LRP1B: variants seen among roughly 807,000 people sequenced by gnomAD.
LRP1B encodes LDL receptor related protein 1B, also known as low-density lipoprotein receptor-related protein 1B.
LRP1B carries 217 observed loss-of-function variants against 556.6 expected under a neutral mutation model. The ratio of observed to expected loss-of-function variants is 0.39; its 90% CI spans 0.35 to 0.44. The LOEUF (loss-of-function observed/expected upper bound fraction) is 0.44. Among genes scored for constraint, LRP1B ranks in the 20% least tolerant of loss-of-function variants. LRP1B has a pLI of 1.00. For synonymous variants in LRP1B, 2,047 were observed against 1,865.8 expected, an observed-to-expected ratio of 1.10 and a Z score of -2.50; for missense variants, 5,053 against 5,620.8, an observed-to-expected ratio of 0.90 and a Z score of 3.23.
chr2:140,294,872 T>C (rs1683535977), intron 84 of LRP1B, among the ~76,000 whole-genome samples: 1 of 152,022 alleles, frequency 6.6e-6, no homozygotes, highest in Non-Finnish European at 1.5e-5. Context: ...ATAATTAGTG[T>C]TATTTATTTA....
rs1212346853 is a variant in LRP1B, at chr2:142,126,568, G to A, written c.82+4080C>T. Among the ~76,000 whole-genome samples the A allele has an allele frequency of 3.9e-5, 6 of 151,980 alleles. No homozygotes were observed. The South Asian group carries it at 1.0e-3, about 26-fold the overall frequency. On this transcript the variant is annotated intron_variant, in intron 1 of 90. Coordinates refer to ENST00000389484, the MANE Select transcript of LRP1B (RefSeq NM_018557.3). The stretch of plus-strand genomic sequence containing the variant: ...AGGATTAATTCTACTTTCTTTGAAT[G>A]CATCTATCTAGAATGAAGACAAGTG...
chr2:141,042,049 C>T (rs1000214131), intron 11 of LRP1B, among the ~76,000 whole-genome samples: 8 of 152,030 alleles, frequency 5.3e-5, no homozygotes, highest in Non-Finnish European at 1.2e-4. Flanking sequence ...AAAATCAGAT[C>T]ACAGTAACTT....
intron 2 of LRP1B, among the ~76,000 whole-genome samples, chr2:141,796,283 C>T (rs187155437): frequency 2.3e-4 from 35 of 152,090 alleles, no homozygotes; most frequent in African/African-American, 6.5e-4. Flanking sequence ...TGGTTCCAAT[C>T]GGAGTGCAGA....
At chr2:141,092,702 G>A (rs2104914060) in intron 7 of LRP1B, among the ~76,000 whole-genome samples, 1 of 152,224 alleles carries the variant, frequency 6.6e-6, no homozygotes, top group East Asian at 1.9e-4. Flanking sequence ...ATAGAAACAG[G>A]GCCAGGATCA....
intron 3 of LRP1B, among the ~76,000 whole-genome samples, chr2:141,439,776 T>C (rs1310208478): frequency 6.6e-6 from 1 of 152,212 alleles, no homozygotes; most frequent in African/African-American, 2.4e-5. Flanking sequence ...TGAGCAGTAC[T>C]GATTATTGAA....
intron 6 of LRP1B, among the ~76,000 whole-genome samples, chr2:141,220,903 T>G (rs1217330426): frequency 1.3e-5 from 2 of 152,104 alleles, no homozygotes; most frequent in Non-Finnish European, 2.9e-5. Flanking sequence ...AGGCCTGCCT[T>G]GAAGACCTCC....
Position 140,598,733 on chromosome 2 carries a change from A to G in LRP1B, c.7092T>C (p.Thr2364=), listed in dbSNP as rs774317267. 1.9e-6 allele frequency: 3 copies of G among 1,613,392 alleles called. No homozygotes were observed. The Admixed American group carries it at 5.0e-5, about 27-fold the overall frequency. Residue 2364 remains threonine (T), a synonymous_variant, in exon 43 of 91, where the codon ACT becomes ACC. Coordinates refer to ENST00000389484, the MANE Select transcript of LRP1B (RefSeq NM_018557.3). ...GGTAGTCGATAGTAAGTCCATTTGG[A>G]GTGAGTATGTCTGTACTGACCACCA... ...AQVVVSTDIL[T]PNGLTIDYRA... is the part of the protein sequence containing the mutation.
chr2:141,609,451 T>C (rs1688028876), intron 2 of LRP1B, among the ~76,000 whole-genome samples: 1 of 152,224 alleles, frequency 6.6e-6, no homozygotes, highest in South Asian at 2.1e-4. Context: ...TTCACACTAA[T>C]GTGCAATTAC....
In LRP1B at chr2:142,125,144, CA is replaced by C. The variant is rs549650759; in HGVS notation, c.82+5503del. 7.3e-5 allele frequency among the ~76,000 whole-genome samples: 11 copies of C among 151,374 alleles called. No homozygotes were observed. In the East Asian group the frequency reaches 2.1e-3, roughly 29 times the overall value. ...TTCTAACTTGGCCTTGTAATTATGCCAGGGGAAAAAGGGAGGCCATCTGATC... is the reference window on the plus strand; with the variant it reads ...TTCTAACTTGGCCTTGTAATTATGCCGGGGAAAAAGGGAGGCCATCTGATC... On this transcript the variant is annotated intron_variant, in intron 1 of 90. Transcript: ENST00000389484.
At chr2:140,256,215 T>C (rs1215521115) in intron 86 of LRP1B, among the ~76,000 whole-genome samples, 4 of 152,076 alleles carry the variant, frequency 2.6e-5, no homozygotes, top group East Asian at 3.9e-4. Flanking sequence ...CAGGCCTGGG[T>C]TGAAATCTAG....
intron 1 of LRP1B, among the ~76,000 whole-genome samples, chr2:142,094,470 T>C (rs1574677980): frequency 6.6e-6 from 1 of 152,006 alleles, no homozygotes; most frequent in African/African-American, 2.4e-5. Context: ...TGTATAGCTA[T>C]AGCGAAGGGT....
chr2:140,280,026 C>T (rs1042813095), intron 84 of LRP1B, among the ~76,000 whole-genome samples: 7 of 151,660 alleles, frequency 4.6e-5, no homozygotes, highest in Non-Finnish European at 8.8e-5. Flanking sequence ...TTATAGCCTT[C>T]GGATTTATTT....
intron 66 of LRP1B, among the ~76,000 whole-genome samples, chr2:140,414,123 C>G (rs192125862): frequency 6.6e-6 from 1 of 152,096 alleles, no homozygotes; most frequent in East Asian, 1.9e-4. Context: ...ACTATGTTGC[C>G]CAGACTGGTC....
chr2:140,942,421 G>C (rs1359445677), intron 20 of LRP1B, among the ~76,000 whole-genome samples: 2 of 152,150 alleles, frequency 1.3e-5, no homozygotes, highest in East Asian at 3.9e-4. Context: ...TCAACATACA[G>C]ATACAAGAAA....
intron 2 of LRP1B, among the ~76,000 whole-genome samples, chr2:141,628,728 A>C (rs1688794525): frequency 6.6e-6 from 1 of 151,908 alleles, no homozygotes; most frequent in Admixed American, 6.5e-5. Flanking sequence ...AGCTCACCAC[A>C]GTCTCTACCT....
rs542519359 is a variant in LRP1B at position 140,305,629 on chromosome 2, T to C, written c.12806-7660A>G. On this transcript the variant is annotated intron_variant, in intron 83 of 90. Coordinates refer to ENST00000389484, the MANE Select transcript of LRP1B (RefSeq NM_018557.3). ...ACAATTTGACTTCCTCTTTTCCTAATTGAATACCCTTTATTTCTTTCTCCT... is the reference window on the plus strand; with the variant it reads ...ACAATTTGACTTCCTCTTTTCCTAACTGAATACCCTTTATTTCTTTCTCCT... Among the ~76,000 whole-genome samples the C allele has an allele frequency of 3.3e-5, 5 of 152,278 alleles. No individual in the cohort carries two copies. In the South Asian group the frequency reaches 6.2e-4, roughly 19 times the overall value.
At chr2:140,672,528 T>C (rs897977919) in intron 41 of LRP1B, among the ~76,000 whole-genome samples, 5 of 147,186 alleles carry the variant, frequency 3.4e-5, no homozygotes, top group African/African-American at 1.3e-4. Flanking sequence ...CCAAGCAATT[T>C]TGAAATCCAG....
chr2:140,874,222 A>T (rs979112785), intron 25 of LRP1B, among the ~76,000 whole-genome samples: 2 of 152,166 alleles, frequency 1.3e-5, no homozygotes, highest in African/African-American at 4.8e-5. Context: ...ACAATAAATA[A>T]TTGGTTAGAA....
In LRP1B at chr2:141,311,824, T is replaced by C. The variant is rs558513110; in HGVS notation, c.344-57183A>G. On this transcript the variant is annotated intron_variant, in intron 3 of 90. Coordinates refer to ENST00000389484, the MANE Select transcript of LRP1B (RefSeq NM_018557.3). Reference sequence around the variant, plus strand: ...TTCTTTATAATTACTCAGTATATGGTATTCAGTTATAGCAACAGAAAACAG... The same window carrying C: ...TTCTTTATAATTACTCAGTATATGGCATTCAGTTATAGCAACAGAAAACAG... Among the ~76,000 whole-genome samples the C allele has an allele frequency of 3.2e-3, 494 of 152,290 alleles. 3 individuals are homozygous for C. The highest frequency in any genetic ancestry group is 6.8e-3 in the Middle Eastern group (2 of 294).
Sources: gnomAD v4.1 joint callset for allele counts (sites outside exome capture counted in the v4.1 genomes callset) on GRCh38, gnomAD v4.1.1 for gene constraint, MANE v1.5 for transcripts, NCBI Gene and HGNC (gene_info 2026-07-23, HGNC 2026-07-21) for gene names.